The following GBP6 variants were observed in gnomAD, a reference collection of about 807,000 sequenced individuals.
GBP6 encodes the protein guanylate-binding protein 6.
GBP6 carries 54 observed loss-of-function variants against 61.5 expected under a neutral mutation model. The ratio of observed to expected loss-of-function variants is 0.88; its 90% CI spans 0.71 to 1.10. The LOEUF (loss-of-function observed/expected upper bound fraction) is 1.10, where lower values mean the gene tolerates loss of function less well. GBP6 is among the 50% of genes least tolerant of loss of function. GBP6 has a pLI of 0.00. For missense variants in GBP6, 748 were observed against 752.8 expected (o/e 0.99, Z 0.07); for synonymous variants, 255 against 273.7 (o/e 0.93, Z 0.67).
intron 1 of GBP6, among the ~76,000 whole-genome samples, chr1:89,367,164 G>GTA: frequency 6.6e-6 from 1 of 152,202 alleles, no homozygotes; most frequent in Non-Finnish European, 1.5e-5. Context: ...TTTTTGGAGT[G>GTA]TATATGTAGA....
rs1265688410 is a variant in GBP6, at chr1:89,381,974, G to C, written c.1152G>C (p.Met384Ile). The change falls in exon 7 of 11, where the codon ATG (methionine) becomes ATC (isoleucine). Residue 384 changes from methionine (M) to isoleucine (I), a missense_variant and splice_region_variant. Transcript: ENST00000370456. ...DENQEFQKKF[M>I]ETTMNKKGDF... ...ATCAGGAATTCCAGAAGAAGTTCAT[G>C]GTAATTTGCCTTAGTCATTACTGTT... 1 of 1,603,034 alleles carries C rather than the reference G, an allele frequency of 6.2e-7. No individual in the cohort carries two copies. Among genetic ancestry groups the C allele is most frequent in the Non-Finnish European group, 8.5e-7 (1 of 1,173,056 alleles).
At chr1:89,375,107 T>G (rs1652769978) in intron 3 of GBP6, among the ~76,000 whole-genome samples, 1 of 152,236 alleles carries the variant, frequency 6.6e-6, no homozygotes, top group Non-Finnish European at 1.5e-5. Context: ...GATTTTGTTC[T>G]TCTTTACAGC....
rs7513174 is a variant in GBP6 at position 89,387,244 on chromosome 1, C to T, written c.*1775C>T. Among the ~76,000 whole-genome samples the T allele has an allele frequency of 0.89, 136,017 of 152,102 alleles. 60,896 individuals carry two copies. Among genetic ancestry groups the T allele is most frequent in the Middle Eastern group, 0.91 (269 of 294 alleles). On this transcript the variant is annotated 3_prime_UTR_variant, in exon 11 of 11. Transcript: ENST00000370456. Reference sequence around the variant, plus strand: ...TAGATATCCATATACTAGGGAAATACAAACACCCAAATATTTCAAGGACCC... The same window carrying T: ...TAGATATCCATATACTAGGGAAATATAAACACCCAAATATTTCAAGGACCC...
intron 10 of GBP6, among the ~76,000 whole-genome samples, chr1:89,384,972 G>C (rs376532721): frequency 9.9e-5 from 15 of 152,184 alleles, no homozygotes; most frequent in African/African-American, 3.6e-4. Context: ...CTCCTAACTG[G>C]CATCTTTTGG....
chr1:89,370,166 T>C (rs1416414638), intron 3 of GBP6, among the ~76,000 whole-genome samples: 1 of 152,224 alleles, frequency 6.6e-6, no homozygotes, highest in Admixed American at 6.5e-5. Flanking sequence ...GGTCAATCAC[T>C]GGAAGTCTGC....
chr1:89,377,623 T>C (rs1652842931), intron 3 of GBP6, among the ~76,000 whole-genome samples: 1 of 152,256 alleles, frequency 6.6e-6, no homozygotes, highest in Non-Finnish European at 1.5e-5. Flanking sequence ...ATAGTCATCA[T>C]GACAGTAAAT....
rs1022945609 is a variant in GBP6, at chr1:89,379,352, G to T, written c.625+739G>T. On this transcript the variant is annotated intron_variant, in intron 5 of 10. Transcript: ENST00000370456. ...CTAGGCCCACCTCCAACATTGGGGG[G>T]GGGGGGTCATATTTCAACATGAGAT... Among the ~76,000 whole-genome samples the T allele has an allele frequency of 3.3e-5, 5 of 152,166 alleles. No homozygotes were observed. In the South Asian group the frequency reaches 6.2e-4, roughly 19 times the overall value.
intron 10 of GBP6, 70 bp downstream of exon 10, chr1:89,384,356 G>A: frequency 8.0e-7 from 1 of 1,254,088 alleles, no homozygotes; most frequent in Non-Finnish European, 1.1e-6. Context: ...GCTGGTGAAG[G>A]TTACAGCAAC....
chr1:89,376,150 A>G (rs1480768353), intron 3 of GBP6, among the ~76,000 whole-genome samples: 2 of 152,200 alleles, frequency 1.3e-5, no homozygotes, highest in African/African-American at 4.8e-5. Flanking sequence ...TGAAGGCTTA[A>G]TAGTATTTCA....
intron 1 of GBP6, among the ~76,000 whole-genome samples, chr1:89,366,654 C>T (rs1652475535): frequency 6.6e-6 from 1 of 152,096 alleles, no homozygotes; most frequent in South Asian, 2.1e-4. Context: ...GAATAGGTTG[C>T]CCGATTATCC....
intron 3 of GBP6, among the ~76,000 whole-genome samples, chr1:89,369,902 G>A (rs967230103): frequency 2.0e-5 from 3 of 152,178 alleles, no homozygotes; most frequent in Admixed American, 6.5e-5. Context: ...TTGATAAAAG[G>A]TTGTTAAGCA....
Position 89,387,966 on chromosome 1 carries a change from A to C in GBP6, c.*2497A>C, listed in dbSNP as rs1653183913. Among the ~76,000 whole-genome samples, 1 of 152,142 alleles carries C rather than the reference A, an allele frequency of 6.6e-6. No individual in the cohort carries two copies. Among genetic ancestry groups the C allele is most frequent in the Admixed American group, 6.5e-5 (1 of 15,278 alleles). On this transcript the variant is annotated 3_prime_UTR_variant, in exon 11 of 11. Transcript: ENST00000370456. Reference sequence around the variant, plus strand: ...TGTCTCAAAAAATTAAACTAAATTAAAGCTATGAGAAGAAAATAAATTTTC... The same window carrying C: ...TGTCTCAAAAAATTAAACTAAATTACAGCTATGAGAAGAAAATAAATTTTC...
At chr1:89,371,664 C>G (rs1301444266) in intron 3 of GBP6, among the ~76,000 whole-genome samples, 1 of 152,132 alleles carries the variant, frequency 6.6e-6, no homozygotes, top group East Asian at 1.9e-4. Context: ...GGACGTATTT[C>G]AAAATAATAA....
At chr1:89,369,932 G>T (rs766408297) in intron 3 of GBP6, among the ~76,000 whole-genome samples, 3 of 152,188 alleles carry the variant, frequency 2.0e-5, no homozygotes, top group Non-Finnish European at 2.9e-5. Flanking sequence ...CAGGCCTTGG[G>T]GCTGAGTAGC....
intron 10 of GBP6, among the ~76,000 whole-genome samples, chr1:89,384,851 C>T (rs1365317146): frequency 6.6e-6 from 1 of 152,134 alleles, no homozygotes; most frequent in Non-Finnish European, 1.5e-5. Context: ...TCTGAAAGTT[C>T]TCTCATAAGG....
chr1:89,378,718 G>A (rs1156786934), intron 5 of GBP6, 105 bp downstream of exon 5: 19 of 909,580 alleles, frequency 2.1e-5, no homozygotes, highest in African/African-American at 3.3e-5. Context: ...CTAGATTGAG[G>A]TCTGTAGAAA....
In GBP6 at chr1:89,385,591, T is replaced by A. The variant is rs1423958167; in HGVS notation, c.*122T>A. ...CTCTGTTGCCCAGGCTGGAGTACAG[T>A]GGTGCAATCTCAGCTCACTGCAACC... On this transcript the variant is annotated 3_prime_UTR_variant, in exon 11 of 11. Transcript: ENST00000370456. The A allele has an allele frequency of 1.1e-6, 1 of 931,684 alleles. No homozygotes were observed. The highest frequency in any genetic ancestry group is 1.6e-6 in the Non-Finnish European group (1 of 642,050). 57.7% of individuals were successfully genotyped at this position (931,684 alleles called of 1,614,324 possible).
intron 6 of GBP6, 115 bp from the exon 7 acceptor site, chr1:89,381,579 T>C (rs1281996190): frequency 3.1e-6 from 3 of 969,508 alleles, no homozygotes; most frequent in Non-Finnish European, 4.6e-6. Flanking sequence ...GGTGTATGTG[T>C]TTGCATGTGT....
intron 3 of GBP6, 68 bp from the exon 4 acceptor site, chr1:89,378,035 A>C: frequency 1.4e-6 from 2 of 1,405,516 alleles, no homozygotes; most frequent in East Asian, 4.6e-5. Flanking sequence ...AAAGACTGAC[A>C]AAATAAATGT....
Sources: gnomAD v4.1 joint callset for allele counts (sites outside exome capture counted in the v4.1 genomes callset) on GRCh38, gnomAD v4.1.1 for gene constraint, MANE v1.5 for transcripts, NCBI Gene and HGNC (gene_info 2026-07-23, HGNC 2026-07-21) for gene names.